Variants in WDR70 observed in about 807,000 individuals in gnomAD.
WDR70 encodes WD repeat domain 70, also known as WD repeat-containing protein 70.
Under a neutral mutation model 88.6 loss-of-function variants are expected in WDR70, and 53 were observed. The ratio of observed to expected loss-of-function variants is 0.60; its 90% CI spans 0.48 to 0.75. WDR70 has a LOEUF of 0.75. Among genes scored for constraint, WDR70 ranks in the 30% least tolerant of loss-of-function variants. WDR70 has a pLI of 0.00. For missense variants in WDR70, 610 were observed against 823.2 expected (o/e 0.74, Z 3.17); for synonymous variants, 280 against 270.0 (o/e 1.04, Z -0.36).
rs533745545 is a variant in WDR70 at position 37,678,439 on chromosome 5, T to G, written c.1093-19216T>G. Among the ~76,000 whole-genome samples the G allele has an allele frequency of 3.3e-5, 5 of 152,290 alleles. No individual in the cohort carries two copies. The South Asian group carries it at 1.0e-3, about 32-fold the overall frequency. Reference sequence around the variant, plus strand: ...TAGGGCAGGCCTGGTGGTGACAAAATCTGTCAGCATTTGCTTGTCTGTAAA... The same window carrying G: ...TAGGGCAGGCCTGGTGGTGACAAAAGCTGTCAGCATTTGCTTGTCTGTAAA... On this transcript the variant is annotated intron_variant, in intron 10 of 17. Coordinates refer to ENST00000265107, the MANE Select transcript of WDR70 (RefSeq NM_018034.4).
In WDR70 at chr5:37,479,817, C is replaced by T; in HGVS notation, c.687-17C>T. On this transcript the variant is annotated splice_polypyrimidine_tract_variant and intron_variant, in intron 7 of 17. Coordinates refer to ENST00000265107, the MANE Select transcript of WDR70 (RefSeq NM_018034.4). ...TGTGCTTAGTATCTTACCAACTTTC[C>T]TTTTCTTTTCGTACAGCCATCAGAT... 6.3e-7 allele frequency: 1 copy of T among 1,599,262 alleles called. No individual in the cohort carries two copies. Among genetic ancestry groups the T allele is most frequent in the Non-Finnish European group, 8.5e-7 (1 of 1,174,142 alleles).
chr5:37,662,325 T>A (rs549174468), intron 10 of WDR70, among the ~76,000 whole-genome samples: 12 of 152,206 alleles, frequency 7.9e-5, no homozygotes, highest in South Asian at 2.1e-4. Flanking sequence ...GATAAGAAAA[T>A]GTTTTCCAGG....
At chr5:37,619,105 A>G (rs1744431319) in intron 10 of WDR70, among the ~76,000 whole-genome samples, 1 of 152,174 alleles carries the variant, frequency 6.6e-6, no homozygotes, top group Non-Finnish European at 1.5e-5. Flanking sequence ...ATTCCGTGTC[A>G]TGGTGCCTTA....
chr5:37,495,034 G>C (rs569045167), intron 8 of WDR70, among the ~76,000 whole-genome samples: 1 of 152,324 alleles, frequency 6.6e-6, no homozygotes, highest in East Asian at 1.9e-4. Flanking sequence ...TGGTAGAGTT[G>C]AGCAGTTATA....
chr5:37,580,987 T>C (rs1231517122), intron 9 of WDR70, among the ~76,000 whole-genome samples: 1 of 152,208 alleles, frequency 6.6e-6, no homozygotes, highest in Non-Finnish European at 1.5e-5. Flanking sequence ...TCACAAAGAA[T>C]TATTAAGAGA....
At chr5:37,748,246 A>G (rs1469520924) in intron 17 of WDR70, among the ~76,000 whole-genome samples, 1 of 152,212 alleles carries the variant, frequency 6.6e-6, no homozygotes, top group African/African-American at 2.4e-5. Flanking sequence ...ACATACTACA[A>G]GGTTACAGTA....
chr5:37,584,488 A>G (rs576266592), intron 9 of WDR70, among the ~76,000 whole-genome samples: 78 of 152,198 alleles, frequency 5.1e-4, no homozygotes, highest in Middle Eastern at 6.8e-3. Flanking sequence ...AAAATCATCA[A>G]TTCCCTTTCA....
chr5:37,517,628 A>G (rs905596530), intron 9 of WDR70, among the ~76,000 whole-genome samples: 1 of 151,928 alleles, frequency 6.6e-6, no homozygotes, highest in Non-Finnish European at 1.5e-5. Context: ...CGGCCTCCCA[A>G]AGTGCTGGGA....
intron 9 of WDR70, among the ~76,000 whole-genome samples, chr5:37,536,097 A>G (rs1318552260): frequency 1.3e-5 from 2 of 152,192 alleles, no homozygotes; most frequent in Non-Finnish European, 2.9e-5. Context: ...TGGTGGTGCT[A>G]CCACATTGTC....
intron 10 of WDR70, among the ~76,000 whole-genome samples, chr5:37,608,851 A>T (rs537135020): frequency 6.6e-6 from 1 of 152,228 alleles, no homozygotes; most frequent in South Asian, 2.1e-4. Flanking sequence ...GAGCCACTGC[A>T]CCTGGCCCTC....
intron 16 of WDR70, among the ~76,000 whole-genome samples, chr5:37,726,634 C>T (rs1305614536): frequency 2.0e-5 from 3 of 152,072 alleles, no homozygotes; most frequent in African/African-American, 7.2e-5. Context: ...GTAATTTTTT[C>T]TATATTGGTA....
intron 17 of WDR70, among the ~76,000 whole-genome samples, chr5:37,731,681 T>C (rs1748148772): frequency 6.6e-6 from 1 of 152,156 alleles, no homozygotes; most frequent in Non-Finnish European, 1.5e-5. Flanking sequence ...TTGTTAAACA[T>C]GGTGCATGTT....
At chr5:37,674,553 G>C (rs1379027723) in intron 10 of WDR70, among the ~76,000 whole-genome samples, 1 of 152,090 alleles carries the variant, frequency 6.6e-6, no homozygotes, top group African/African-American at 2.4e-5. Context: ...CCCTACAAAG[G>C]ACATGACCTC....
intron 5 of WDR70, among the ~76,000 whole-genome samples, chr5:37,430,972 A>G (rs936719712): frequency 4.6e-5 from 7 of 151,500 alleles, no homozygotes; most frequent in Admixed American, 1.3e-4. Flanking sequence ...TCCTGCCTCA[A>G]CCTCCTGGGT....
intron 9 of WDR70, among the ~76,000 whole-genome samples, chr5:37,598,715 C>T (rs1743772872): frequency 6.6e-6 from 1 of 152,160 alleles, no homozygotes. Flanking sequence ...AGTGCTAGGC[C>T]ATTAGATATC....
intron 5 of WDR70, among the ~76,000 whole-genome samples, chr5:37,419,638 ACTCCAT>A (rs748824959): frequency 6.6e-6 from 1 of 151,470 alleles, no homozygotes; most frequent in Non-Finnish European, 1.5e-5. Context: ...ACATGGCGAA[ACTCCAT>A]CTCTACTAAA....
At chr5:37,605,298 C>T in intron 10 of WDR70, 60 bp downstream of exon 10, 2 of 1,496,454 alleles carry the variant, frequency 1.3e-6, no homozygotes, top group South Asian at 1.4e-5. Context: ...AAGATGGCCA[C>T]CTTACAAAGA....
chr5:37,383,711 C>T (rs1748506258), intron 3 of WDR70, among the ~76,000 whole-genome samples: 1 of 152,102 alleles, frequency 6.6e-6, no homozygotes, highest in East Asian at 1.9e-4. Context: ...TCTGGAGTAG[C>T]TGGGACTACA....
At chr5:37,653,656 G>T (rs1462049893) in intron 10 of WDR70, among the ~76,000 whole-genome samples, 1 of 152,080 alleles carries the variant, frequency 6.6e-6, no homozygotes, top group Non-Finnish European at 1.5e-5. Context: ...CTTCTTCCTG[G>T]TTTAGTCATG....
Sources: gnomAD v4.1 joint callset for allele counts (sites outside exome capture counted in the v4.1 genomes callset) on GRCh38, gnomAD v4.1.1 for gene constraint, MANE v1.5 for transcripts, NCBI Gene and HGNC (gene_info 2026-07-23, HGNC 2026-07-21) for gene names.